Variants in SEL1L3 observed in about 807,000 individuals in gnomAD.
SEL1L3 encodes the protein SEL1L family member 3, also known as protein sel-1 homolog 3.
SEL1L3 carries 76 observed loss-of-function variants against 142.8 expected under a neutral mutation model. That is an observed-to-expected ratio of 0.53 (90% CI 0.44 to 0.64). SEL1L3 has a LOEUF of 0.64. Ranked by LOEUF, SEL1L3 falls within the 30% of genes least tolerant of loss-of-function variation. SEL1L3 has a pLI of 0.00. For synonymous variants in SEL1L3, 504 were observed against 519.6 expected (o/e 0.97, Z 0.41); for missense variants, 1,262 against 1,381.7 (o/e 0.91, Z 1.37).
At chr4:25,841,333 C>T (rs560505065) in intron 2 of SEL1L3, among the ~76,000 whole-genome samples, 1 of 152,316 alleles carries the variant, frequency 6.6e-6, no homozygotes, top group South Asian at 2.1e-4. Flanking sequence ...TGCACCCAGC[C>T]CCTCCTTTTT....
rs1717368447 is a variant in SEL1L3 at position 25,748,274 on chromosome 4, T to C, written c.*151A>G. On this transcript the variant is annotated 3_prime_UTR_variant, in exon 24 of 24. Coordinates refer to ENST00000399878, the MANE Select transcript of SEL1L3 (RefSeq NM_015187.5). ...CTGATCTGGGTACTTCCTTGTAATT[T>C]GACTTTAAAAAAAATGACACCAATT... 2.8e-6 allele frequency: 2 copies of C among 709,622 alleles called. No homozygotes were observed. The highest frequency in any genetic ancestry group is 5.5e-5 in the East Asian group (2 of 36,326). The allele number at this position is 709,622 out of a possible 1,614,324, so 44.0% of individuals were successfully genotyped here. A position where few individuals can be genotyped will look rare whatever the true frequency, so the allele number is the denominator to read the frequency against.
the SEL1L3 span, among the ~76,000 whole-genome samples, chr4:25,732,954 C>T: frequency 1.3e-5 from 2 of 152,074 alleles, no homozygotes; most frequent in Non-Finnish European, 1.5e-5. Context: ...CCATGTTGGC[C>T]GGTATGGTCT....
intron 11 of SEL1L3, among the ~76,000 whole-genome samples, chr4:25,795,838 G>T (rs1343625469): frequency 2.0e-5 from 3 of 152,010 alleles, no homozygotes; most frequent in Non-Finnish European, 2.9e-5. Context: ...AGGCAGGAAT[G>T]ACCTTTAAAA....
Position 25,862,764 on chromosome 4 carries a change from G to A in SEL1L3, c.73C>T (p.Pro25Ser). The A allele has an allele frequency of 1.7e-6, 2 of 1,205,644 alleles. No individual in the cohort carries two copies. Among genetic ancestry groups the A allele is most frequent in the Non-Finnish European group, 2.1e-6 (2 of 972,284 alleles). 74.7% of individuals were successfully genotyped at this position (1,205,644 alleles called of 1,614,324 possible). Residue 25 changes from proline to serine, a missense_variant, in exon 1 of 24, where the codon CCC (proline) becomes TCC (serine). Around this residue, in one of 3 missense-constraint regions of SEL1L3, gnomAD observed 689 missense variants for 692.8 expected, o/e 0.99. Coordinates refer to ENST00000399878, the MANE Select transcript of SEL1L3 (RefSeq NM_015187.5). ...CTCGGGACCATGGCTGCGGCCCGGG[G>A]GCCGACCGCGAGCGGCGGGGGTTGC... ...QQQPPPLAVG[P>S]RAAAMVPSGG...
intron 1 of SEL1L3, among the ~76,000 whole-genome samples, chr4:25,859,651 A>T (rs773169923): frequency 3.9e-5 from 6 of 152,212 alleles, no homozygotes; most frequent in Non-Finnish European, 7.3e-5. Context: ...TCCCCAAATC[A>T]TAGGCAATTT....
At chr4:25,786,658 A>G (rs1711861216) in intron 13 of SEL1L3, among the ~76,000 whole-genome samples, 1 of 152,204 alleles carries the variant, frequency 6.6e-6, no homozygotes, top group Non-Finnish European at 1.5e-5. Context: ...CCCTGAGGTC[A>G]TGGACGTGAC....
chr4:25,737,618 A>T, the SEL1L3 span, among the ~76,000 whole-genome samples: 1 of 152,216 alleles, frequency 6.6e-6, no homozygotes, highest in South Asian at 2.1e-4. Context: ...GGGAGGACAC[A>T]AACATTCAGT....
intron 5 of SEL1L3, among the ~76,000 whole-genome samples, chr4:25,830,698 C>T (rs1715378035): frequency 6.6e-6 from 1 of 152,170 alleles, no homozygotes. Flanking sequence ...TGGACTCCAA[C>T]ATAATAAGCC....
At chr4:25,791,306 G>C (rs1712320656) in intron 11 of SEL1L3, among the ~76,000 whole-genome samples, 1 of 152,200 alleles carries the variant, frequency 6.6e-6, no homozygotes, top group Non-Finnish European at 1.5e-5. Context: ...GAGGATGCAA[G>C]AAAGAATATG....
the SEL1L3 span, among the ~76,000 whole-genome samples, chr4:25,741,893 C>T: frequency 6.6e-6 from 1 of 151,976 alleles, no homozygotes; most frequent in Admixed American, 6.6e-5. Context: ...ACTGCAACCT[C>T]TGCCTCTTGG....
At chr4:25,813,541 C>T (rs7668717) in intron 9 of SEL1L3, among the ~76,000 whole-genome samples, 2,613 of 152,208 alleles carry the variant, frequency 0.017, 76 homozygotes, top group African/African-American at 0.059. Context: ...AGCAGGATGA[C>T]GGCTCCCAGG....
intron 17 of SEL1L3, among the ~76,000 whole-genome samples, chr4:25,772,522 C>T (rs1719295788): frequency 6.7e-6 from 1 of 149,598 alleles, no homozygotes; most frequent in African/African-American, 2.5e-5. Flanking sequence ...CTATGAGATA[C>T]ATAAAAAATG....
intron 9 of SEL1L3, among the ~76,000 whole-genome samples, chr4:25,811,006 A>G (rs1468894961): frequency 6.6e-6 from 1 of 152,064 alleles, no homozygotes; most frequent in African/African-American, 2.4e-5. Flanking sequence ...TCAGCTGTCA[A>G]CTCTCAATGA....
At chr4:25,744,636 G>A (rs1455926607), downstream of SEL1L3, among the ~76,000 whole-genome samples, 1 of 152,192 alleles carries the variant, frequency 6.6e-6, no homozygotes, top group Non-Finnish European at 1.5e-5. Context: ...TTACTGGTGT[G>A]AGCCACTGCG....
chr4:25,836,127 T>C (rs1715800963), intron 2 of SEL1L3, among the ~76,000 whole-genome samples: 1 of 152,194 alleles, frequency 6.6e-6, no homozygotes, highest in Non-Finnish European at 1.5e-5. Context: ...ACCATATACC[T>C]TAACATTGGA....
chr4:25,842,264 C>G (rs1716215183), intron 2 of SEL1L3, among the ~76,000 whole-genome samples: 1 of 149,230 alleles, frequency 6.7e-6, no homozygotes, highest in Admixed American at 6.7e-5. Flanking sequence ...AAAAACTCAA[C>G]AAAACTTCAG....
At chr4:25,855,761 A>G (rs1717217564) in intron 1 of SEL1L3, among the ~76,000 whole-genome samples, 1 of 151,980 alleles carries the variant, frequency 6.6e-6, no homozygotes, top group Non-Finnish European at 1.5e-5. Context: ...ATTCCGTCTC[A>G]GGAAAAAAAA....
Position 25,790,462 on chromosome 4 carries a change from G to T in SEL1L3, c.2069C>A (p.Ala690Glu). The change falls in exon 12 of 24, where the codon GCA (alanine) becomes GAA (glutamate). Residue 690 changes from alanine to glutamate, a missense_variant. Transcript: ENST00000399878. ...LKHEATRGNA[A>E]AQQRLAQMLF... ...AGTAGCCTGCGTTTTTACCTGAGCTGCTGCATTGCCTCGGGTAGCTTCATG... is the reference window on the plus strand; with the variant it reads ...AGTAGCCTGCGTTTTTACCTGAGCTTCTGCATTGCCTCGGGTAGCTTCATG... 6.2e-7 allele frequency: 1 copy of T among 1,613,744 alleles called. No individual in the cohort carries two copies. The highest frequency in any genetic ancestry group is 8.5e-7 in the Non-Finnish European group (1 of 1,179,762).
At chr4:25,820,015 G>T in intron 7 of SEL1L3, 75 bp from the exon 8 acceptor site, 1 of 1,454,380 alleles carries the variant, frequency 6.9e-7, no homozygotes, top group Non-Finnish European at 9.4e-7. Context: ...GGATGTGTTT[G>T]GGTTGACTTT....
Sources: gnomAD v4.1 joint callset for allele counts (sites outside exome capture counted in the v4.1 genomes callset) on GRCh38, gnomAD v4.1.1 for gene constraint, gnomAD v4.1.1 regional missense constraint, MANE v1.5 for transcripts, NCBI Gene and HGNC (gene_info 2026-07-23, HGNC 2026-07-21) for gene names.